The following CDHR3 variants were observed in gnomAD, a reference collection of about 807,000 sequenced individuals.
CDHR3 encodes cadherin related family member 3, also known as cadherin-related family member 3.
A neutral mutation model predicts 86.6 loss-of-function variants in CDHR3; 79 were observed. The ratio of observed to expected loss-of-function variants is 0.91; its 90% CI spans 0.76 to 1.10. The LOEUF is 1.10. Among genes scored for constraint, CDHR3 ranks in the 50% least tolerant of loss-of-function variants. The pLI is 0.00. For synonymous variants in CDHR3, 421 were observed against 402.4 expected (o/e 1.05, Z -0.55); for missense variants, 1,081 against 1,077.6 (o/e 1.00, Z -0.04).
At chr7:106,005,839 C>G (rs141509727) in intron 8 of CDHR3, among the ~76,000 whole-genome samples, 6 of 152,268 alleles carry the variant, frequency 3.9e-5, no homozygotes, top group Non-Finnish European at 8.8e-5. Context: ...AACGGTTAAA[C>G]TCTGTTCTGG....
In CDHR3 at chr7:105,980,954, G is replaced by A; in HGVS notation, c.250-14G>A. On this transcript the variant is annotated splice_polypyrimidine_tract_variant and intron_variant, in intron 2 of 18. Transcript: ENST00000317716. ...CTTTCACATGGTTACTAAGAATTTT[G>A]CATTTTGTTTTAGGTTGTCACCACT... 1 of 1,593,654 alleles carries A rather than the reference G, an allele frequency of 6.3e-7. No homozygotes were observed. The highest frequency in any genetic ancestry group is 8.6e-7 in the Non-Finnish European group (1 of 1,169,330).
intron 14 of CDHR3, among the ~76,000 whole-genome samples, chr7:106,022,961 T>C (rs1180583280): frequency 6.6e-6 from 1 of 152,148 alleles, no homozygotes; most frequent in Non-Finnish European, 1.5e-5. Context: ...AATCTACAAA[T>C]ATCGATTTAA....
intron 4 of CDHR3, among the ~76,000 whole-genome samples, chr7:105,992,738 G>C (rs1831550521): frequency 6.6e-6 from 1 of 152,154 alleles, no homozygotes; most frequent in South Asian, 2.1e-4. Context: ...TTATAATTTT[G>C]ATGATAACAT....
chr7:105,978,712 TAAC>T (rs1254569743), intron 2 of CDHR3, among the ~76,000 whole-genome samples: 3 of 152,290 alleles, frequency 2.0e-5, no homozygotes, highest in African/African-American at 4.8e-5. Context: ...TAAATGCTGG[TAAC>T]AACAACAACG....
chr7:105,992,440 C>G (rs1401939841), intron 4 of CDHR3, among the ~76,000 whole-genome samples: 3 of 152,216 alleles, frequency 2.0e-5, no homozygotes, highest in East Asian at 1.9e-4. Flanking sequence ...CAATTGCTGT[C>G]AGGCCGTGAG....
At chr7:106,019,960 G>A (rs1836295760) in intron 12 of CDHR3, among the ~76,000 whole-genome samples, 1 of 152,188 alleles carries the variant, frequency 6.6e-6, no homozygotes, top group Non-Finnish European at 1.5e-5. Context: ...GTGGCACATG[G>A]AGACACCGTA....
intron 4 of CDHR3, among the ~76,000 whole-genome samples, chr7:105,986,183 G>T (rs1830499488): frequency 1.3e-5 from 2 of 152,174 alleles, no homozygotes; most frequent in African/African-American, 4.8e-5. Context: ...CTACCCAGAG[G>T]ACTTCTGCTA....
chr7:105,986,986 C>G (rs1046231240), intron 4 of CDHR3, among the ~76,000 whole-genome samples: 34 of 152,150 alleles, frequency 2.2e-4, no homozygotes, highest in African/African-American at 7.2e-4. Context: ...TGTATAAGAA[C>G]CAGTGGGGGA....
intron 17 of CDHR3, among the ~76,000 whole-genome samples, chr7:106,028,916 T>TTCTC (rs1491327817): frequency 0.043 from 3,561 of 83,070 alleles, 152 homozygotes; most frequent in African/African-American, 0.12. Context: ...GAGATTTAAA[T>TTCTC]TTTCTTTCTT....
At chr7:105,969,166 G>A in intron 1 of CDHR3, among the ~76,000 whole-genome samples, 1 of 149,956 alleles carries the variant, frequency 6.7e-6, no homozygotes, top group Admixed American at 6.6e-5. Context: ...GGAGGCCGAG[G>A]CGGGCGGATC....
At chr7:105,963,398 GC>G (rs1390155337) in intron 1 of CDHR3, 34 bp downstream of exon 1, 1 of 1,607,044 alleles carries the variant, frequency 6.2e-7, no homozygotes, top group Admixed American at 1.7e-5. Context: ...AACCTTGCTT[GC>G]CTACTTGGTC....
Position 106,032,630 on chromosome 7 carries a change from G to GCAAC in CDHR3, c.2593_2596dup (p.Pro866GlnfsTer26). 6.2e-7 allele frequency: 1 copy of GCAAC among 1,613,824 alleles called. No individual in the cohort carries two copies. The highest frequency in any genetic ancestry group is 8.5e-7 in the Non-Finnish European group (1 of 1,179,826). On this transcript the variant is annotated frameshift_variant, in exon 19 of 19. Transcript: ENST00000317716. LOFTEE classifies it high-confidence loss of function. Reference sequence around the variant, plus strand: ...TCCAGAAATGAGGGTGGCAAGCTGGGCAACCCAAAGAACAGAAATCCAGCC... The same window carrying GCAAC: ...TCCAGAAATGAGGGTGGCAAGCTGGGCAACCAACCCAAAGAACAGAAATCCAGCC...
intron 10 of CDHR3, 109 bp from the exon 11 acceptor site, chr7:106,015,818 G>C (rs537046506): frequency 1.3e-4 from 106 of 814,844 alleles, no homozygotes; most frequent in Non-Finnish European, 2.0e-4. Flanking sequence ...TAGCCACCTG[G>C]TATCCCCTAT....
In CDHR3 at chr7:106,021,138, C is replaced by T. The variant is rs963991300; in HGVS notation, c.1825+594C>T. Among the ~76,000 whole-genome samples, 43 of 152,132 alleles carry T rather than the reference C, an allele frequency of 2.8e-4. 2 individuals are homozygous for T. Among genetic ancestry groups the T allele is most frequent in the African/African-American group, 9.9e-4 (41 of 41,420 alleles). ...AGGAATTCTCTTCTGCTCCATTCAT[C>T]TTCTGTCTTTAAAAATATACCATCG... On this transcript the variant is annotated intron_variant, in intron 13 of 18. Transcript: ENST00000317716.
At chr7:106,010,266 T>A (rs776746207) in intron 8 of CDHR3, among the ~76,000 whole-genome samples, 2 of 152,206 alleles carry the variant, frequency 1.3e-5, no homozygotes, top group African/African-American at 2.4e-5. Context: ...TACATCCACT[T>A]TCCTGGACAG....
At chr7:105,999,253 G>A (rs1832755651) in intron 6 of CDHR3, among the ~76,000 whole-genome samples, 1 of 152,220 alleles carries the variant, frequency 6.6e-6, no homozygotes, top group African/African-American at 2.4e-5. Flanking sequence ...AAATCAAATA[G>A]ACTAAAGATT....
chr7:105,978,089 T>G (rs895448342), intron 2 of CDHR3, among the ~76,000 whole-genome samples: 21 of 152,192 alleles, frequency 1.4e-4, no homozygotes, highest in African/African-American at 5.1e-4. Context: ...TTGCCCAAGT[T>G]CACATAACTA....
At chr7:105,988,007 C>G (rs934827816) in intron 4 of CDHR3, among the ~76,000 whole-genome samples, 2 of 152,190 alleles carry the variant, frequency 1.3e-5, no homozygotes, top group African/African-American at 4.8e-5. Flanking sequence ...CCTTCCACCT[C>G]AGCCTTCCAA....
At position 106,004,560 on chromosome 7, in the gene CDHR3, C is replaced by T. The variant is rs1355790422; in HGVS notation, c.925C>T (p.Pro309Ser). 1.1e-5 allele frequency: 18 copies of T among 1,613,862 alleles called. No homozygotes were observed. Among genetic ancestry groups the T allele is most frequent in the Non-Finnish European group, 1.4e-5 (17 of 1,179,884 alleles). Residue 309 changes from proline (P) to serine (S), a missense_variant, in exon 8 of 19, where the codon CCC (proline) becomes TCC (serine). Physicochemically the swap from Pro to Ser is moderately conservative, Grantham distance 74. Transcript: ENST00000317716. ...AGATGCAGGTGAATTGAGACAAAAT[C>T]CCACCATTTCCCTGGAAGTTCTAGT... ...DRDAGELRQN[P>S]TISLEVLVKD... is the part of the protein sequence containing the mutation.
Sources: gnomAD v4.1 joint callset for allele counts (sites outside exome capture counted in the v4.1 genomes callset) on GRCh38, gnomAD v4.1.1 for gene constraint, MANE v1.5 for transcripts, NCBI Gene and HGNC (gene_info 2026-07-23, HGNC 2026-07-21) for gene names.